The following UBE2W variants were observed in gnomAD, a reference collection of about 807,000 sequenced individuals.
The protein encoded by UBE2W is ubiquitin-conjugating enzyme E2 W.
A neutral mutation model predicts 27.2 loss-of-function variants in UBE2W; 18 were observed. The observed-to-expected ratio is 0.66, with a 90% CI of 0.46 to 0.98. The LOEUF is 0.98. Ranked by LOEUF, UBE2W falls within the 50% of genes least tolerant of loss-of-function variation. The probability of loss-of-function intolerance (pLI) is 0.00; values close to 1 mark genes in which losing one functional copy is unlikely to be tolerated. For missense variants in UBE2W, 90 were observed against 180.2 expected (o/e 0.50, Z 2.87); for synonymous variants, 53 against 57.2 (o/e 0.93, Z 0.33).
At chr8:73,826,946 C>T (rs772349737) in intron 2 of UBE2W, among the ~76,000 whole-genome samples, 60 of 152,172 alleles carry the variant, frequency 3.9e-4, no homozygotes, top group Non-Finnish European at 7.1e-4. Flanking sequence ...TATATTAGGT[C>T]CTTCTTAATC....
At chr8:73,830,261 CTATT>C (rs1810018590) in intron 2 of UBE2W, 116 bp downstream of exon 2, 1 of 700,362 alleles carries the variant, frequency 1.4e-6, no homozygotes, top group Non-Finnish European at 2.4e-6. Context: ...TCTGTTTACT[CTATT>C]TACCTCTTGG....
Position 73,810,639 on chromosome 8 carries a change from A to G in UBE2W, c.211-10T>C. The G allele has an allele frequency of 6.5e-7, 1 of 1,530,556 alleles. No homozygotes were observed. Among genetic ancestry groups the G allele is most frequent in the Non-Finnish European group, 8.8e-7 (1 of 1,141,662 alleles). The allele number at this position is 1,530,556 out of a possible 1,614,324, so 94.8% of individuals were successfully genotyped here. On this transcript the variant is annotated splice_polypyrimidine_tract_variant and intron_variant, in intron 3 of 5. Transcript: ENST00000602593. ...CACCAGTAAACATGACCTAAGAGAG[A>G]ATAAAATTCCATTAAAACTCAAATA...
chr8:73,799,962 A>G (rs1808569979), intron 5 of UBE2W, among the ~76,000 whole-genome samples: 1 of 152,194 alleles, frequency 6.6e-6, no homozygotes, highest in African/African-American at 2.4e-5. Context: ...AGGAAAAGAT[A>G]CTGACTTGTG....
rs1238023568 is a variant in UBE2W at position 73,786,597 on chromosome 8, G to A, written c.*7505C>T. On this transcript the variant is annotated 3_prime_UTR_variant, in exon 6 of 6. Coordinates refer to ENST00000602593, the MANE Select transcript of UBE2W (RefSeq NM_018299.6). ...TGAACTAGACCTTTCAGGTAGAAAC[G>A]CAGATCATGAACATTCTAGGAGGGA... 5 of 985,268 alleles carry A rather than the reference G, an allele frequency of 5.1e-6. No individual in the cohort carries two copies. In the African/African-American group the frequency reaches 7.0e-5, roughly 14 times the overall value. 61.0% of individuals were successfully genotyped at this position (985,268 alleles called of 1,614,324 possible).
chr8:73,829,244 C>CA (rs1036640867), intron 2 of UBE2W, among the ~76,000 whole-genome samples: 4 of 151,764 alleles, frequency 2.6e-5, no homozygotes, highest in Non-Finnish European at 5.9e-5. Flanking sequence ...CCCATCCTCC[C>CA]AAAAAAATAA....
At chr8:73,865,639 G>C (rs1185062912) in intron 1 of UBE2W, among the ~76,000 whole-genome samples, 1 of 151,956 alleles carries the variant, frequency 6.6e-6, no homozygotes, top group Admixed American at 6.6e-5. Context: ...TGCCCAACAA[G>C]GTAATTTTCT....
chr8:73,811,416 T>A (rs545184680), intron 3 of UBE2W, among the ~76,000 whole-genome samples: 1 of 152,248 alleles, frequency 6.6e-6, no homozygotes, highest in East Asian at 1.9e-4. Flanking sequence ...CCTAAGCAAA[T>A]AGGCAGGAGA....
chr8:73,842,491 T>C (rs1336021259), intron 1 of UBE2W, among the ~76,000 whole-genome samples: 1 of 120,036 alleles, frequency 8.3e-6, no homozygotes, highest in Non-Finnish European at 1.6e-5. Flanking sequence ...ATGGTGCCAC[T>C]GCACTCCAGC....
At chr8:73,799,944 A>G (rs1808569538) in intron 5 of UBE2W, among the ~76,000 whole-genome samples, 1 of 152,188 alleles carries the variant, frequency 6.6e-6, no homozygotes, top group Non-Finnish European at 1.5e-5. Flanking sequence ...TAACACCTAG[A>G]GCTAAGCAGG....
At position 73,789,805 on chromosome 8, in the gene UBE2W, A is replaced by C; in HGVS notation, c.*4297T>G. Reference sequence around the variant, plus strand: ...ATGAGCCAAGATCGTGCACTGCACTAAAGCCCGGGTGACAGAGCAAGACTC... The same window carrying C: ...ATGAGCCAAGATCGTGCACTGCACTCAAGCCCGGGTGACAGAGCAAGACTC... On this transcript the variant is annotated 3_prime_UTR_variant, in exon 6 of 6. Transcript: ENST00000602593. The C allele has an allele frequency of 1.4e-6, 1 of 695,014 alleles. No homozygotes were observed. Among genetic ancestry groups the C allele is most frequent in the Non-Finnish European group, 1.8e-6 (1 of 565,032 alleles). 43.1% of individuals were successfully genotyped at this position (695,014 alleles called of 1,614,324 possible). A position where few individuals can be genotyped will look rare whatever the true frequency, so the allele number is the denominator to read the frequency against.
At chr8:73,840,694 A>C (rs2130926869) in intron 1 of UBE2W, among the ~76,000 whole-genome samples, 1 of 152,316 alleles carries the variant, frequency 6.6e-6, no homozygotes, top group South Asian at 2.1e-4. Flanking sequence ...GCATACCAAA[A>C]TCCACATATC....
At chr8:73,781,929 C>CTT (rs71269945), downstream of UBE2W, among the ~76,000 whole-genome samples, 22 of 96,012 alleles carry the variant, frequency 2.3e-4, 1 homozygote, top group East Asian at 6.3e-4. Flanking sequence ...TAAAAGCCTC[C>CTT]TTTTTTTTTT....
At chr8:73,821,556 T>TG (rs1554581573) in intron 3 of UBE2W, among the ~76,000 whole-genome samples, 4,198 of 7,622 alleles carry the variant, frequency 0.55, 1,000 homozygotes, top group East Asian at 0.64. Context: ...AGTGTGTGTG[T>TG]GGGGGGGGGG....
chr8:73,856,024 C>A (rs1032351850), intron 1 of UBE2W, among the ~76,000 whole-genome samples: 9 of 151,998 alleles, frequency 5.9e-5, no homozygotes, highest in Non-Finnish European at 1.0e-4. Context: ...TGTTTTAGTA[C>A]TTTTCTATAT....
chr8:73,858,879 C>CGTGTGTGT (rs5892434), intron 1 of UBE2W, among the ~76,000 whole-genome samples: 7 of 141,728 alleles, frequency 4.9e-5, no homozygotes, highest in South Asian at 2.3e-4. Flanking sequence ...TTTTTGCGTG[C>CGTGTGTGT]GTGTGTGTGT....
chr8:73,840,801 C>A (rs1810506667), intron 1 of UBE2W, among the ~76,000 whole-genome samples: 1 of 152,122 alleles, frequency 6.6e-6, no homozygotes, highest in South Asian at 2.1e-4. Flanking sequence ...GAAATGGACA[C>A]ACAGAGTTCA....
At chr8:73,804,990 TG>T (rs972931053) in intron 5 of UBE2W, among the ~76,000 whole-genome samples, 1 of 152,002 alleles carries the variant, frequency 6.6e-6, no homozygotes, top group Non-Finnish European at 1.5e-5. Context: ...CCCAAAGTGC[TG>T]GGATTACAGG....
Position 73,793,711 on chromosome 8 carries a change from G to C in UBE2W, c.*391C>G. The C allele has an allele frequency of 2.0e-6, 2 of 999,852 alleles. No homozygotes were observed. Among genetic ancestry groups the C allele is most frequent in the Non-Finnish European group, 2.4e-6 (2 of 839,428 alleles). The allele number at this position is 999,852 out of a possible 1,614,324, so 61.9% of individuals were successfully genotyped here. On this transcript the variant is annotated 3_prime_UTR_variant, in exon 6 of 6. Transcript: ENST00000602593. ...TCATGCATTAATCATTGAATGGCAG[G>C]AGTTAATGAAAACTTTTCCTGTTAC...
intron 1 of UBE2W, among the ~76,000 whole-genome samples, chr8:73,843,249 T>C (rs1270710169): frequency 1.3e-5 from 2 of 152,198 alleles, no homozygotes; most frequent in Non-Finnish European, 2.9e-5. Context: ...TAAAGTCAGA[T>C]TAAGGGTATG....
Sources: allele counts gnomAD v4.1 joint callset (sites outside exome capture counted in the v4.1 genomes callset), GRCh38; gene constraint gnomAD v4.1.1; transcripts MANE v1.5; gene names NCBI Gene and HGNC (gene_info 2026-07-23, HGNC 2026-07-21).